The following DLC1 variants were observed in gnomAD, a reference collection of about 807,000 sequenced individuals.
DLC1 encodes rho GTPase-activating protein 7.
A neutral mutation model predicts 140.3 loss-of-function variants in DLC1; 54 were observed. The observed-to-expected ratio is 0.38, with a 90% CI of 0.31 to 0.48. DLC1 has a LOEUF of 0.48. Ranked by LOEUF, DLC1 falls within the 20% of genes least tolerant of loss-of-function variation. The pLI is 0.96. For synonymous variants in DLC1, 986 were observed against 728.1 expected, an observed-to-expected ratio of 1.35 and a Z score of -5.70; for missense variants, 2,536 against 1,907.0, an observed-to-expected ratio of 1.33 and a Z score of -6.14.
intron 1 of DLC1, among the ~76,000 whole-genome samples, chr8:13,550,831 C>T (rs1303690572): frequency 6.6e-6 from 1 of 152,062 alleles, no homozygotes; most frequent in Non-Finnish European, 1.5e-5. Context: ...GGCTCAGATT[C>T]TTGAAGTATC....
At chr8:13,140,179 G>C (rs1822871210) in intron 5 of DLC1, among the ~76,000 whole-genome samples, 1 of 151,994 alleles carries the variant, frequency 6.6e-6, no homozygotes, top group South Asian at 2.1e-4. Flanking sequence ...GGCTTATAAT[G>C]GTTAAATATT....
At chr8:13,391,487 TG>T (rs1836759428) in intron 4 of DLC1, among the ~76,000 whole-genome samples, 1 of 152,128 alleles carries the variant, frequency 6.6e-6, no homozygotes, top group Non-Finnish European at 1.5e-5. Context: ...ATTGCGATTG[TG>T]GGGTGGTCAA....
intron 1 of DLC1, among the ~76,000 whole-genome samples, chr8:13,576,225 A>T (rs1029594905): frequency 6.6e-6 from 1 of 152,206 alleles, no homozygotes; most frequent in African/African-American, 2.4e-5. Flanking sequence ...CTGTTCATTC[A>T]TTAAATCCCA....
At chr8:13,225,486 A>C (rs1828752287) in intron 5 of DLC1, among the ~76,000 whole-genome samples, 1 of 152,198 alleles carries the variant, frequency 6.6e-6, no homozygotes, top group South Asian at 2.1e-4. Context: ...TAAGAACTTT[A>C]AGTTAAATAT....
chr8:13,277,019 C>G (rs73560547), intron 5 of DLC1: 5,736 of 152,362 alleles, frequency 0.038, 350 homozygotes, highest in African/African-American at 0.13. Context: ...TCTGGATTCC[C>G]TCTAAGAAAT....
At chr8:13,476,608 C>G (rs4831440) in intron 2 of DLC1, among the ~76,000 whole-genome samples, 29,431 of 151,764 alleles carry the variant, frequency 0.19, 3,569 homozygotes, top group Middle Eastern at 0.34. Flanking sequence ...TCCAGACAAA[C>G]CAGAATGAAT....
At chr8:13,453,491 CATATATATATGTAT>C (rs1799231072) in intron 2 of DLC1, among the ~76,000 whole-genome samples, 1 of 17,962 alleles carries the variant, frequency 5.6e-5, no homozygotes, top group Non-Finnish European at 9.0e-5. Flanking sequence ...TATATATATA[CATATATATATGTAT>C]ATATATATAC....
chr8:13,132,098 A>C (rs912935462), intron 5 of DLC1, among the ~76,000 whole-genome samples: 1 of 152,090 alleles, frequency 6.6e-6, no homozygotes. Flanking sequence ...TCTCCGGCCC[A>C]GGAACTCGCT....
intron 5 of DLC1, among the ~76,000 whole-genome samples, chr8:13,263,477 C>G (rs957842792): frequency 4.0e-5 from 6 of 151,896 alleles, no homozygotes; most frequent in Non-Finnish European, 7.4e-5. Flanking sequence ...TTACTTATTA[C>G]TTACTTGTGT....
At chr8:13,133,401 C>T (rs1046228406) in intron 5 of DLC1, 4 of 758,688 alleles carry the variant, frequency 5.3e-6, no homozygotes, top group Non-Finnish European at 6.6e-6. Context: ...CAGGCCTTAG[C>T]GACGGGCTGT....
In DLC1 at chr8:13,500,032, C is replaced by T. The variant is rs1169550168; in HGVS notation, c.40G>A (p.Val14Met). The T allele has an allele frequency of 6.2e-7, 1 of 1,613,912 alleles. No individual in the cohort carries two copies. The highest frequency in any genetic ancestry group is 8.5e-7 in the Non-Finnish European group (1 of 1,179,942). The part of the protein sequence containing the change: ...AIRKRSWEEH[V>M]THWMGQPFNS... ...AAAGGCTGTCCCATCCAGTGGGTCA[C>T]ATGTTCTTCCCAGCTTCTCTTTCTG... Residue 14 changes from valine (V) to methionine (M), a missense_variant, in exon 2 of 18, where the codon GTG becomes ATG. By Grantham distance (21) the Val-to-Met change is conservative. Coordinates refer to ENST00000276297, the MANE Select transcript of DLC1 (RefSeq NM_182643.3).
intron 10 of DLC1, among the ~76,000 whole-genome samples, chr8:13,096,356 G>C (rs1339268909): frequency 6.6e-6 from 1 of 152,138 alleles, no homozygotes; most frequent in African/African-American, 2.4e-5. Context: ...TCTAAGCACA[G>C]AGGAACTCCA....
chr8:13,468,093 T>C (rs1412841320), intron 2 of DLC1, among the ~76,000 whole-genome samples: 3 of 152,234 alleles, frequency 2.0e-5, no homozygotes, highest in Non-Finnish European at 4.4e-5. Flanking sequence ...TGTAAAATCA[T>C]CTGGACTTGG....
intron 7 of DLC1, among the ~76,000 whole-genome samples, chr8:13,103,532 A>C (rs992549973): frequency 6.6e-6 from 1 of 151,890 alleles, no homozygotes; most frequent in Non-Finnish European, 1.5e-5. Context: ...ACTGCCGCAC[A>C]TGGAGCCAAG....
At position 13,567,655 on chromosome 8, in the gene DLC1, C is replaced by G. The variant is rs1411581908; in HGVS notation, c.-126+36882G>C. On this transcript the variant is annotated intron_variant, in intron 1 of 1. Coordinates refer to the DLC1 transcript ENST00000631382. Reference sequence around the variant, plus strand: ...CTTTCTGAAACAAAAGAAGACTTTACTGGAGTCATTTCTACTCCAAGAGAG... The same window carrying G: ...CTTTCTGAAACAAAAGAAGACTTTAGTGGAGTCATTTCTACTCCAAGAGAG... 3.9e-6 allele frequency: 6 copies of G among 1,551,804 alleles called. No homozygotes were observed. The East Asian group carries it at 1.5e-4, about 38-fold the overall frequency.
At chr8:13,411,355 A>G (rs981123799) in intron 2 of DLC1, among the ~76,000 whole-genome samples, 7 of 152,208 alleles carry the variant, frequency 4.6e-5, no homozygotes, top group Non-Finnish European at 8.8e-5. Flanking sequence ...TATTCTGGAG[A>G]GGCAAAACTA....
At position 13,179,331 on chromosome 8, in the gene DLC1, T is replaced by C. The variant is rs1396535249; in HGVS notation, c.1349-63674A>G. Among the ~76,000 whole-genome samples, 3 of 152,254 alleles carry C rather than the reference T, an allele frequency of 2.0e-5. No individual in the cohort carries two copies. In the South Asian group the frequency reaches 6.2e-4, roughly 32 times the overall value. The stretch of plus-strand genomic sequence containing the variant: ...TGGTTGGTAATGTTTTGTTTCTTGA[T>C]GCGGGTTTTAGTTAAAGAGGTATGT... On this transcript the variant is annotated intron_variant, in intron 5 of 17. Coordinates refer to ENST00000276297, the MANE Select transcript of DLC1 (RefSeq NM_182643.3).
At chr8:13,362,317 T>A (rs921273934) in intron 4 of DLC1, among the ~76,000 whole-genome samples, 16 of 152,240 alleles carry the variant, frequency 1.1e-4, no homozygotes, top group African/African-American at 3.9e-4. Flanking sequence ...GGGGACATCA[T>A]AGAGTCTGGC....
intron 1 of DLC1, among the ~76,000 whole-genome samples, chr8:13,594,689 CA>C (rs1805629185): frequency 6.6e-6 from 1 of 151,796 alleles, no homozygotes; most frequent in South Asian, 2.1e-4. Context: ...AGTGAAAGCA[CA>C]TTTATTAGAG....
Sources: allele counts gnomAD v4.1 joint callset (sites outside exome capture counted in the v4.1 genomes callset), GRCh38; gene constraint gnomAD v4.1.1; transcripts MANE v1.5; gene names NCBI Gene and HGNC (gene_info 2026-07-23, HGNC 2026-07-21).